Variants in TK2 observed in about 807,000 individuals in gnomAD.
The protein encoded by TK2 is thymidine kinase 2, also known as thymidine kinase 2, mitochondrial.
TK2 carries 35 observed loss-of-function variants against 41.9 expected under a neutral mutation model. The ratio of observed to expected loss-of-function variants is 0.84; its 90% CI spans 0.64 to 1.11. TK2 has a LOEUF of 1.11. Among genes scored for constraint, TK2 ranks in the 50% least tolerant of loss-of-function variants. The probability of loss-of-function intolerance (pLI) is 0.00; values close to 1 mark genes in which losing one functional copy is unlikely to be tolerated. For synonymous variants in TK2, 128 were observed against 129.1 expected, an observed-to-expected ratio of 0.99 and a Z score of 0.06; for missense variants, 320 against 351.1, an observed-to-expected ratio of 0.91 and a Z score of 0.71.
At chr16:66,544,757 C>T (rs1965554434) in intron 2 of TK2, among the ~76,000 whole-genome samples, 1 of 152,170 alleles carries the variant, frequency 6.6e-6, no homozygotes, top group Admixed American at 6.5e-5. Context: ...TTTAATCTTT[C>T]CTAAAAATGG....
rs2144490981 is a variant in TK2, at chr16:66,548,714, T to C, written c.156+264A>G. On this transcript the variant is annotated intron_variant, in intron 2 of 9. Coordinates refer to ENST00000544898, the MANE Select transcript of TK2 (RefSeq NM_004614.5). Reference sequence around the variant, plus strand: ...CGTTTTTCAAATCCTTTCACAATCATCCCTTAAGCTTTAACAGCCCAAATC... The same window carrying C: ...CGTTTTTCAAATCCTTTCACAATCACCCCTTAAGCTTTAACAGCCCAAATC... 6.5e-6 allele frequency: 3 copies of C among 461,670 alleles called. No homozygotes were observed. The East Asian group carries it at 1.1e-4, about 17-fold the overall frequency. The allele number at this position is 461,670 out of a possible 1,614,324, so 28.6% of individuals were successfully genotyped here. A position where few individuals can be genotyped will look rare whatever the true frequency, so the allele number is the denominator to read the frequency against.
chr16:66,517,675 C>T lies in TK2; in HGVS notation c.538+114G>A, dbSNP rs972254453. The T allele has an allele frequency of 2.4e-5, 23 of 950,760 alleles. No homozygotes were observed. The highest frequency in any genetic ancestry group is 3.6e-5 in the Non-Finnish European group (21 of 580,218). The allele number at this position is 950,760 out of a possible 1,614,324, so 58.9% of individuals were successfully genotyped here. On this transcript the variant is annotated intron_variant, in intron 7 of 9. Coordinates refer to ENST00000544898, the MANE Select transcript of TK2 (RefSeq NM_004614.5). The surrounding 1 kb of genome is among the most constrained non-coding windows in gnomAD (Gnocchi z 4.3). ...AAGCTGAACTCCCATGGGGAAGGAA[C>T]TGCCAAGGGCAAGTGCCTCACCCAC...
In TK2 at chr16:66,522,133, C is replaced by T. The variant is rs561207372; in HGVS notation, c.450-4256G>A. ...CTCCCTACCCCCAAACCCAAATGCT[C>T]TCCATTGCACCACCCGCCCACCCCA... On this transcript the variant is annotated intron_variant, in intron 6 of 9. Coordinates refer to ENST00000544898, the MANE Select transcript of TK2 (RefSeq NM_004614.5). 2.0e-5 allele frequency among the ~76,000 whole-genome samples: 3 copies of T among 152,302 alleles called. No homozygotes were observed. The South Asian group carries it at 6.2e-4, about 32-fold the overall frequency.
Position 66,511,656 on chromosome 16 carries a change from G to T in TK2, c.*312C>A. The T allele has an allele frequency of 2.2e-6, 1 of 448,008 alleles. No homozygotes were observed. Among genetic ancestry groups the T allele is most frequent in the Non-Finnish European group, 4.1e-6 (1 of 241,008 alleles). The allele number at this position is 448,008 out of a possible 1,614,324, so 27.8% of individuals were successfully genotyped here. A position where few individuals can be genotyped will look rare whatever the true frequency, so the allele number is the denominator to read the frequency against. ...GTACACAGCTCCAGCGTGGTGTCAGGCACACAACAGGTGCTCTCCCTAAGG... is the reference window on the plus strand; with the variant it reads ...GTACACAGCTCCAGCGTGGTGTCAGTCACACAACAGGTGCTCTCCCTAAGG... On this transcript the variant is annotated 3_prime_UTR_variant, in exon 10 of 10. Coordinates refer to ENST00000544898, the MANE Select transcript of TK2 (RefSeq NM_004614.5).
chr16:66,532,172 G>A (rs1965136118), intron 4 of TK2, among the ~76,000 whole-genome samples: 1 of 148,190 alleles, frequency 6.7e-6, no homozygotes, highest in African/African-American at 2.5e-5. Flanking sequence ...CCAAACAACT[G>A]TTAGAACTGA....
At chr16:66,543,177 C>T (rs529632147) in intron 2 of TK2, among the ~76,000 whole-genome samples, 1 of 152,228 alleles carries the variant, frequency 6.6e-6, no homozygotes, top group African/African-American at 2.4e-5. Flanking sequence ...CCCGGCCAAG[C>T]CTCAGTAACT....
chr16:66,533,393 A>C (rs1051641358), intron 4 of TK2, among the ~76,000 whole-genome samples: 1 of 151,804 alleles, frequency 6.6e-6, no homozygotes, highest in Non-Finnish European at 1.5e-5. Context: ...TTCTAGCATA[A>C]AGAAAAGAGA....
Position 66,511,523 on chromosome 16 carries a change from A to G in TK2, c.*445T>C, listed in dbSNP as rs930778352. The G allele has an allele frequency of 1.3e-5, 4 of 302,964 alleles. No individual in the cohort carries two copies. Among genetic ancestry groups the G allele is most frequent in the Non-Finnish European group, 1.9e-5 (3 of 155,528 alleles). The allele number at this position is 302,964 out of a possible 1,614,324, so 18.8% of individuals were successfully genotyped here. ...CTGAATGGTGCCAGCTCCACTGCAC[A>G]CAGGCTGTGTGACCTCTGGGGAGCC... On this transcript the variant is annotated 3_prime_UTR_variant, in exon 10 of 10. Coordinates refer to ENST00000544898, the MANE Select transcript of TK2 (RefSeq NM_004614.5).
chr16:66,515,257 G>C (rs981625921), intron 8 of TK2, among the ~76,000 whole-genome samples: 3 of 151,808 alleles, frequency 2.0e-5, no homozygotes, highest in African/African-American at 7.3e-5. Context: ...CCTTCAGGCA[G>C]GGGCCCAGCC....
At chr16:66,523,736 G>A (rs979004224) in intron 6 of TK2, among the ~76,000 whole-genome samples, 1 of 152,202 alleles carries the variant, frequency 6.6e-6, no homozygotes, top group Non-Finnish European at 1.5e-5. Context: ...GGCTGAGGCA[G>A]GAGAATTGCT....
At chr16:66,531,516 G>A (rs757610288) in intron 4 of TK2, 47 bp from the exon 5 acceptor site, 2 of 1,578,874 alleles carry the variant, frequency 1.3e-6, no homozygotes, top group East Asian at 4.5e-5. Context: ...GGCATCTGCA[G>A]GAGGACCCTG....
chr16:66,550,258 C>G, upstream of TK2: 1 of 1,599,416 alleles, frequency 6.3e-7, no homozygotes, highest in Non-Finnish European at 8.5e-7. Context: ...CTTACCACTG[C>G]TAGGACGCTG....
At chr16:66,535,324 G>A (rs767188440) in intron 4 of TK2, among the ~76,000 whole-genome samples, 3 of 152,130 alleles carry the variant, frequency 2.0e-5, no homozygotes, top group Non-Finnish European at 4.4e-5. Context: ...GACTTCTGAG[G>A]CTGTGATTCT....
At chr16:66,549,896 C>T in intron 1 of TK2, 42 bp downstream of exon 1, 1 of 1,332,380 alleles carries the variant, frequency 7.5e-7, no homozygotes, top group Non-Finnish European at 9.5e-7. Context: ...AGTAGGTGGG[C>T]GCATAGGGGC....
At chr16:66,535,911 A>C (rs906116213) in intron 4 of TK2, among the ~76,000 whole-genome samples, 1 of 152,214 alleles carries the variant, frequency 6.6e-6, no homozygotes, top group Non-Finnish European at 1.5e-5. Context: ...GTTGCTAAAA[A>C]TCAGAGGGCA....
At chr16:66,538,382 C>T (rs556219699) in intron 3 of TK2, among the ~76,000 whole-genome samples, 59 of 152,160 alleles carry the variant, frequency 3.9e-4, no homozygotes, top group Non-Finnish European at 7.2e-4. Context: ...CAAACCCCCT[C>T]TCCTTCTTCT....
chr16:66,523,912 G>A (rs940284031), intron 6 of TK2, among the ~76,000 whole-genome samples: 3 of 152,146 alleles, frequency 2.0e-5, no homozygotes, highest in Admixed American at 6.6e-5. Context: ...CCGCTCCATC[G>A]AGGGCAGCTG....
At chr16:66,522,141 C>T (rs1175806744) in intron 6 of TK2, among the ~76,000 whole-genome samples, 3 of 152,190 alleles carry the variant, frequency 2.0e-5, no homozygotes, top group Non-Finnish European at 2.9e-5. Flanking sequence ...CTCTCCATTG[C>T]ACCACCCGCC....
At chr16:66,516,001 G>A (rs1567525107) in intron 8 of TK2, among the ~76,000 whole-genome samples, 1 of 152,178 alleles carries the variant, frequency 6.6e-6, no homozygotes, top group African/African-American at 2.4e-5. Context: ...TCTCACATGG[G>A]ACATTCAGTT....
Sources: allele counts gnomAD v4.1 joint callset (sites outside exome capture counted in the v4.1 genomes callset), GRCh38; gene constraint gnomAD v4.1.1; non-coding constraint Gnocchi (gnomAD v3.1); transcripts MANE v1.5; gene names NCBI Gene and HGNC (gene_info 2026-07-23, HGNC 2026-07-21).